The following RERE variants were observed in gnomAD, a reference collection of about 807,000 sequenced individuals.
RERE encodes arginine-glutamic acid dipeptide repeats.
A neutral mutation model predicts 146.1 loss-of-function variants in RERE; 40 were observed. The ratio of observed to expected loss-of-function variants is 0.27; its 90% confidence interval spans 0.21 to 0.36. RERE has a LOEUF of 0.36. RERE is among the 10% of genes least tolerant of loss of function. The pLI is 1.00. For synonymous variants in RERE, 1,003 were observed against 866.0 expected, an observed-to-expected ratio of 1.16 and a Z score of -2.78; for missense variants, 1,933 against 2,138.7, an observed-to-expected ratio of 0.90 and a Z score of 1.90.
intron 12 of RERE, among the ~76,000 whole-genome samples, chr1:8,366,265 T>C (rs994357958): frequency 9.9e-5 from 15 of 152,242 alleles, no homozygotes; most frequent in African/African-American, 3.4e-4. Context: ...CCACCGCTGT[T>C]GTACACATGG....
chr1:8,370,471 A>G (rs1273687735), intron 12 of RERE, among the ~76,000 whole-genome samples: 1 of 152,190 alleles, frequency 6.6e-6, no homozygotes, highest in African/African-American at 2.4e-5. Context: ...AAGTGGGTGC[A>G]TTTTTACGGT....
chr1:8,775,253 C>T (rs1323695272), intron 1 of RERE, among the ~76,000 whole-genome samples: 1 of 152,086 alleles, frequency 6.6e-6, no homozygotes, highest in Non-Finnish European at 1.5e-5. Flanking sequence ...GTCACCACAC[C>T]CAGCCACATT....
intron 1 of RERE, among the ~76,000 whole-genome samples, chr1:8,803,395 G>A (rs1401107580): frequency 6.6e-6 from 1 of 151,956 alleles, no homozygotes; most frequent in African/African-American, 2.4e-5. Context: ...GCTTGAACCC[G>A]GGAGGTGAAG....
intron 4 of RERE, among the ~76,000 whole-genome samples, chr1:8,599,607 A>T (rs962213756): frequency 2.6e-5 from 4 of 152,334 alleles, no homozygotes; most frequent in Non-Finnish European, 4.4e-5. Flanking sequence ...TTCACCGGCT[A>T]CTGACTAATT....
At chr1:8,550,616 G>C (rs1645922361) in intron 6 of RERE, among the ~76,000 whole-genome samples, 1 of 151,994 alleles carries the variant, frequency 6.6e-6, no homozygotes, top group Non-Finnish European at 1.5e-5. Flanking sequence ...GCACGATCTT[G>C]GCTCACTGCA....
At chr1:8,477,756 C>G (rs1261677827) in intron 10 of RERE, among the ~76,000 whole-genome samples, 1 of 152,162 alleles carries the variant, frequency 6.6e-6, no homozygotes, top group Non-Finnish European at 1.5e-5. Context: ...GCCCCCAATC[C>G]AAGGGCTCAG....
At chr1:8,729,413 C>G (rs996050618) in intron 1 of RERE, among the ~76,000 whole-genome samples, 2 of 150,416 alleles carry the variant, frequency 1.3e-5, no homozygotes, top group East Asian at 2.0e-4. Flanking sequence ...TTAGTAGAGA[C>G]GGGGTTTCAC....
At chr1:8,433,263 G>A (rs911548779) in intron 11 of RERE, among the ~76,000 whole-genome samples, 3 of 152,178 alleles carry the variant, frequency 2.0e-5, no homozygotes, top group Non-Finnish European at 2.9e-5. Flanking sequence ...TGGAACAGTC[G>A]TAAAGCAGGG....
rs77902721 is a variant in RERE, at chr1:8,463,692, G to T, written c.1203+2233C>A. 4.5e-3 allele frequency among the ~76,000 whole-genome samples: 687 copies of T among 152,338 alleles called. 4 individuals carry two copies. The highest frequency in any genetic ancestry group is 0.017 in the Middle Eastern group (5 of 294). ...GCTAGCGAGGGGCTGGGAGGCATGAGTGAGGAGTGGGGAGGGTGGGAGACA... is the reference window on the plus strand; with the variant it reads ...GCTAGCGAGGGGCTGGGAGGCATGATTGAGGAGTGGGGAGGGTGGGAGACA... On this transcript the variant is annotated intron_variant, in intron 11 of 22. Coordinates refer to ENST00000400908, the MANE Select transcript of RERE (RefSeq NM_001042681.2).
chr1:8,663,202 A>C (rs1030593701), intron 1 of RERE, among the ~76,000 whole-genome samples: 1 of 152,086 alleles, frequency 6.6e-6, no homozygotes, highest in African/African-American at 2.4e-5. Flanking sequence ...GGTCATGTAA[A>C]ATTCACTTAT....
intron 1 of RERE, among the ~76,000 whole-genome samples, chr1:8,771,285 G>A (rs1640943570): frequency 6.6e-6 from 1 of 151,280 alleles, no homozygotes; most frequent in South Asian, 2.1e-4. Flanking sequence ...ATTTTGGGAG[G>A]CCGAGGCGGG....
At chr1:8,787,003 G>T in intron 1 of RERE, 1 of 590,444 alleles carries the variant, frequency 1.7e-6, no homozygotes, top group Non-Finnish European at 3.0e-6. Flanking sequence ...ATAAGACAGA[G>T]ATCAGATTCT....
chr1:8,491,958 T>C (rs1487824183), intron 10 of RERE, among the ~76,000 whole-genome samples: 3 of 152,224 alleles, frequency 2.0e-5, no homozygotes, highest in Non-Finnish European at 4.4e-5. Context: ...AATCTTCTAT[T>C]ACTCTAGGGA....
intron 2 of RERE, among the ~76,000 whole-genome samples, chr1:8,629,100 A>C (rs993931445): frequency 1.3e-5 from 2 of 152,234 alleles, no homozygotes; most frequent in Non-Finnish European, 2.9e-5. Flanking sequence ...TATTTTTTAA[A>C]TCTTCAAATC....
At position 8,497,525 on chromosome 1, in the gene RERE, T is replaced by A. The variant is rs762755433; in HGVS notation, c.884A>T (p.Lys295Ile). 9.3e-6 allele frequency: 15 copies of A among 1,614,024 alleles called. No individual in the cohort carries two copies. The highest frequency in any genetic ancestry group is 1.3e-5 in the Non-Finnish European group (15 of 1,180,002). The stretch of plus-strand genomic sequence containing the variant: ...AGGAAATGGTTGCAGATCTGGAAGT[T>A]TGGCCTGTAAGACAGGGATGAGTAA... Reference protein sequence around the residue: ...EIRVGPSHQAKLPDLQPFPSP... With the variant: ...EIRVGPSHQAILPDLQPFPSP... Residue 295 changes from lysine (K) to isoleucine (I), a missense_variant, in exon 9 of 23, where the codon AAA becomes ATA. Lys to Ile is a moderately radical substitution (Grantham distance 102, BLOSUM62 -3). Transcript: ENST00000400908.
At chr1:8,613,730 G>A (rs942488336) in intron 4 of RERE, among the ~76,000 whole-genome samples, 6 of 152,054 alleles carry the variant, frequency 3.9e-5, no homozygotes, top group East Asian at 1.9e-4. Context: ...TTACACTGAC[G>A]TCAATGTAAC....
At chr1:8,468,488 A>C (rs1644633521) in intron 10 of RERE, among the ~76,000 whole-genome samples, 1 of 152,234 alleles carries the variant, frequency 6.6e-6, no homozygotes, top group Non-Finnish European at 1.5e-5. Flanking sequence ...TTTAGTGATA[A>C]TTTGAAATCA....
intron 1 of RERE, among the ~76,000 whole-genome samples, chr1:8,791,822 T>A (rs1357612128): frequency 6.6e-6 from 1 of 151,464 alleles, no homozygotes; most frequent in Non-Finnish European, 1.5e-5. Context: ...TCTTTAAGAG[T>A]CAAACAAAAG....
At chr1:8,389,639 C>A (rs970156709) in intron 12 of RERE, among the ~76,000 whole-genome samples, 5 of 152,292 alleles carry the variant, frequency 3.3e-5, no homozygotes, top group South Asian at 2.1e-4. Context: ...TCTTTGGTAA[C>A]CCATGCTTTG....
Sources: gnomAD v4.1 joint callset for allele counts (sites outside exome capture counted in the v4.1 genomes callset) on GRCh38, gnomAD v4.1.1 for gene constraint, MANE v1.5 for transcripts, NCBI Gene and HGNC (gene_info 2026-07-23, HGNC 2026-07-21) for gene names.